The following MECOM variants were observed in gnomAD, a reference collection of about 807,000 sequenced individuals.
MECOM encodes histone-lysine N-methyltransferase MECOM.
In MECOM, 13 loss-of-function variants were observed where a neutral mutation model predicts 116.3. The observed-to-expected ratio is 0.11, with a 90% CI of 0.07 to 0.18. MECOM has a LOEUF of 0.18. Ranked by LOEUF, MECOM falls within the 10% of genes least tolerant of loss-of-function variation. MECOM has a pLI of 1.00. For missense variants in MECOM, 1,299 were observed against 1,509.0 expected, an observed-to-expected ratio of 0.86 and a Z score of 2.31; for synonymous variants, 528 against 535.2, an observed-to-expected ratio of 0.99 and a Z score of 0.19.
intron 1 of MECOM, among the ~76,000 whole-genome samples, chr3:169,565,016 C>A (rs1371250519): frequency 3.3e-5 from 5 of 152,178 alleles, no homozygotes; most frequent in Admixed American, 2.0e-4. Context: ...TTATGCGCCT[C>A]TCATTTTAAG....
In MECOM at chr3:169,264,857, C is replaced by T. The variant is rs1758063322; in HGVS notation, c.375+116330G>A. ...TGCCAACTGACAGCAGTCCTTTCCACAAACTGCTGTTCAGGCAGCTGCCAA... is the reference window on the plus strand; with the variant it reads ...TGCCAACTGACAGCAGTCCTTTCCATAAACTGCTGTTCAGGCAGCTGCCAA... On this transcript the variant is annotated intron_variant, in intron 2 of 16. Transcript: ENST00000651503. Among the ~76,000 whole-genome samples the T allele has an allele frequency of 3.3e-5, 5 of 152,168 alleles. No individual in the cohort carries two copies. In the South Asian group the frequency reaches 1.0e-3, roughly 32 times the overall value.
At position 169,421,686 on chromosome 3, in the gene MECOM, T is replaced by TA. The variant is rs199645161; in HGVS notation, c.38-40163_38-40162insT. On this transcript the variant is annotated intron_variant, in intron 1 of 16. Transcript: ENST00000651503. ...AATCACTTATAGCATGTTTGTTTTT[T>TA]TAAAAAAAAAAAACAAAACGATTTC... 2.3e-4 allele frequency among the ~76,000 whole-genome samples: 34 copies of TA among 150,164 alleles called. No individual in the cohort carries two copies. In the East Asian group the frequency reaches 3.2e-3, roughly 14 times the overall value.
At chr3:169,377,802 C>A (rs1047448907) in intron 2 of MECOM, among the ~76,000 whole-genome samples, 5 of 152,074 alleles carry the variant, frequency 3.3e-5, no homozygotes, top group Non-Finnish European at 5.9e-5. Flanking sequence ...TACCATTTCA[C>A]CCAGCAATCC....
Position 169,107,917 on chromosome 3 carries a change from G to A in MECOM, c.2604+9C>T. Reference sequence around the variant, plus strand: ...TCACTTTAGTCAAAAATATAAGTAGGAAACTTACCCAAGTTCTCTGATCAG... The same window carrying A: ...TCACTTTAGTCAAAAATATAAGTAGAAAACTTACCCAAGTTCTCTGATCAG... On this transcript the variant is annotated intron_variant, in intron 10 of 16. Transcript: ENST00000651503. The A allele has an allele frequency of 6.2e-7, 1 of 1,610,608 alleles. No individual in the cohort carries two copies. The highest frequency in any genetic ancestry group is 8.5e-7 in the Non-Finnish European group (1 of 1,178,276).
intron 2 of MECOM, among the ~76,000 whole-genome samples, chr3:169,190,289 G>A (rs1033493895): frequency 2.0e-5 from 3 of 151,946 alleles, no homozygotes; most frequent in East Asian, 1.9e-4. Context: ...AAATAAAGTC[G>A]GGAGTCTTTT....
chr3:169,492,291 A>G (rs769913800), intron 1 of MECOM, among the ~76,000 whole-genome samples: 9 of 152,244 alleles, frequency 5.9e-5, no homozygotes, highest in Admixed American at 2.0e-4. Flanking sequence ...GACCAACTCA[A>G]TGAAACAGCA....
At chr3:169,410,351 T>C (rs1417608768) in intron 1 of MECOM, among the ~76,000 whole-genome samples, 1 of 152,234 alleles carries the variant, frequency 6.6e-6, no homozygotes, top group South Asian at 2.1e-4. Flanking sequence ...AGCTATCCCT[T>C]CTTGGATGTG....
intron 2 of MECOM, among the ~76,000 whole-genome samples, chr3:169,213,804 C>T (rs1751087483): frequency 1.3e-5 from 2 of 152,016 alleles, no homozygotes; most frequent in Admixed American, 1.3e-4. Flanking sequence ...GAAAGAAGGC[C>T]CTAAAACTAA....
intron 12 of MECOM, among the ~76,000 whole-genome samples, chr3:169,096,519 C>G (rs1440274306): frequency 6.6e-6 from 1 of 152,140 alleles, no homozygotes; most frequent in African/African-American, 2.4e-5. Flanking sequence ...ATCCACACAC[C>G]TCAGCCTCCC....
chr3:169,662,420 C>G (rs1344274686), intron 1 of MECOM, among the ~76,000 whole-genome samples: 1 of 152,224 alleles, frequency 6.6e-6, no homozygotes, highest in Non-Finnish European at 1.5e-5. Context: ...CCTCCTGCTC[C>G]TAGGCTGCCG....
At position 169,084,445 on chromosome 3, in the gene MECOM, A is replaced by C. The variant is rs936082397; in HGVS notation, c.*464T>G. 1 of 233,260 alleles carries C rather than the reference A, an allele frequency of 4.3e-6. No individual in the cohort carries two copies. Among genetic ancestry groups the C allele is most frequent in the Non-Finnish European group, 8.5e-6 (1 of 118,176 alleles). 14.4% of individuals were successfully genotyped at this position (233,260 alleles called of 1,614,324 possible). A position where few individuals can be genotyped will look rare whatever the true frequency, so the allele number is the denominator to read the frequency against. On this transcript the variant is annotated 3_prime_UTR_variant, in exon 17 of 17. Transcript: ENST00000651503. ...TCTTCAAAGGGTTAAATTACATAAA[A>C]CTTTAACGAAGAAAAAAATTAAATC...
chr3:169,399,380 A>G (rs1004826645), intron 1 of MECOM, among the ~76,000 whole-genome samples: 2 of 152,214 alleles, frequency 1.3e-5, no homozygotes, highest in East Asian at 3.8e-4. Context: ...CACCACGGGA[A>G]GAGGTATTTT....
At chr3:169,546,819 A>C (rs1282938396) in intron 1 of MECOM, among the ~76,000 whole-genome samples, 1 of 152,212 alleles carries the variant, frequency 6.6e-6, no homozygotes, top group Non-Finnish European at 1.5e-5. Context: ...AACTTTTCAA[A>C]TTGGTTTCTG....
intron 7 of MECOM, among the ~76,000 whole-genome samples, chr3:169,119,658 T>G (rs1730336124): frequency 6.6e-6 from 1 of 152,190 alleles, no homozygotes; most frequent in African/African-American, 2.4e-5. Context: ...CAAAATTTAT[T>G]TCTGAGGAAT....
intron 2 of MECOM, among the ~76,000 whole-genome samples, chr3:169,226,865 C>T (rs13076927): frequency 0.33 from 50,343 of 152,010 alleles, 9,269 homozygotes; most frequent in Middle Eastern, 0.54. Flanking sequence ...GAAAATTTTG[C>T]TTTTGTTTTT....
chr3:169,204,131 A>C (rs1385189931), intron 2 of MECOM, among the ~76,000 whole-genome samples: 1 of 152,180 alleles, frequency 6.6e-6, no homozygotes, highest in Non-Finnish European at 1.5e-5. Flanking sequence ...CCTAAACCAC[A>C]ACCAAGTCCA....
intron 2 of MECOM, among the ~76,000 whole-genome samples, chr3:169,226,890 T>C (rs1752791800): frequency 6.6e-6 from 1 of 152,184 alleles, no homozygotes; most frequent in African/African-American, 2.4e-5. Flanking sequence ...TACAGGGCAA[T>C]GGCAGGAGAA....
At chr3:169,602,016 A>T (rs1329777622) in intron 1 of MECOM, among the ~76,000 whole-genome samples, 1 of 152,184 alleles carries the variant, frequency 6.6e-6, no homozygotes, top group Non-Finnish European at 1.5e-5. Context: ...AAGAAGAGGA[A>T]CCCATTAATT....
chr3:169,488,874 A>C (rs886864619), intron 1 of MECOM, among the ~76,000 whole-genome samples: 2 of 152,052 alleles, frequency 1.3e-5, no homozygotes, highest in Non-Finnish European at 2.9e-5. Flanking sequence ...TGGAGTAAAA[A>C]CCAATGAATG....
Sources: gnomAD v4.1 joint callset for allele counts (sites outside exome capture counted in the v4.1 genomes callset) on GRCh38, gnomAD v4.1.1 for gene constraint, MANE v1.5 for transcripts, NCBI Gene and HGNC (gene_info 2026-07-23, HGNC 2026-07-21) for gene names.